Variants in KLF12 observed in about 807,000 individuals in gnomAD.
KLF12 encodes the protein KLF transcription factor 12.
A neutral mutation model predicts 37.8 loss-of-function variants in KLF12; 9 were observed. That is an observed-to-expected ratio of 0.24 (90% CI 0.14 to 0.42). The LOEUF is 0.42. Among genes scored for constraint, KLF12 ranks in the 10% least tolerant of loss-of-function variants. The pLI is 1.00. For synonymous variants in KLF12, 208 were observed against 202.1 expected, an observed-to-expected ratio of 1.03 and a Z score of -0.25; for missense variants, 411 against 516.0, an observed-to-expected ratio of 0.80 and a Z score of 1.97.
intron 2 of KLF12, among the ~76,000 whole-genome samples, chr13:73,974,348 G>C (rs978342113): frequency 6.7e-6 from 1 of 150,014 alleles, no homozygotes; most frequent in Non-Finnish European, 1.5e-5. Context: ...AGGCAGAAAA[G>C]AGCAATTCAC....
chr13:73,942,906 G>T (rs2139362551), intron 3 of KLF12, among the ~76,000 whole-genome samples: 1 of 152,266 alleles, frequency 6.6e-6, no homozygotes, highest in African/African-American at 2.4e-5. Flanking sequence ...CCTGCTATGT[G>T]ATGCTCAGGT....
At chr13:74,224,056 C>CA in the KLF12 span, among the ~76,000 whole-genome samples, 1 of 152,112 alleles carries the variant, frequency 6.6e-6, no homozygotes, top group Non-Finnish European at 1.5e-5. Context: ...CCCTAAAAAA[C>CA]AAAATCTTCC....
At chr13:74,021,024 T>C (rs1892828926) in intron 1 of KLF12, among the ~76,000 whole-genome samples, 1 of 152,170 alleles carries the variant, frequency 6.6e-6, no homozygotes, top group South Asian at 2.1e-4. Context: ...CGTCTGCTAC[T>C]ACACAGCTGT....
At chr13:73,825,238 G>A (rs888877377) in intron 4 of KLF12, among the ~76,000 whole-genome samples, 1 of 152,090 alleles carries the variant, frequency 6.6e-6, no homozygotes, top group African/African-American at 2.4e-5. Context: ...GACTTCCTTG[G>A]GCTTCAGGTA....
intron 3 of KLF12, among the ~76,000 whole-genome samples, chr13:73,896,828 G>C (rs1206948671): frequency 6.6e-6 from 1 of 151,938 alleles, no homozygotes; most frequent in Admixed American, 6.6e-5. Context: ...ATAATACAAT[G>C]GCTTTCTTGG....
chr13:74,167,890 G>A, the KLF12 span, among the ~76,000 whole-genome samples: 3,291 of 152,228 alleles, frequency 0.022, 92 homozygotes, highest in Middle Eastern at 0.054. Context: ...ATTAAAGAAT[G>A]CAAGACACTA....
At chr13:73,771,587 T>C (rs766901098) in intron 5 of KLF12, among the ~76,000 whole-genome samples, 1 of 152,228 alleles carries the variant, frequency 6.6e-6, no homozygotes, top group Non-Finnish European at 1.5e-5. Flanking sequence ...ACCTAAAGCA[T>C]CAGTAATTGA....
In KLF12 at chr13:74,115,405, C is replaced by G. The variant is rs189000040; in HGVS notation, c.-32+18334G>C. Among the ~76,000 whole-genome samples the G allele has an allele frequency of 5.9e-4, 90 of 152,212 alleles. 2 individuals carry two copies. Among genetic ancestry groups the G allele is most frequent in the Middle Eastern group, 6.8e-3 (2 of 294 alleles). ...CAAGGCCATAACTCCTTCAAAGGCT[C>G]TAGAAAAGAATCTTTTCCACCGGGC... is the stretch of plus-strand genomic sequence containing the variant. On this transcript the variant is annotated intron_variant, in intron 1 of 7. Transcript: ENST00000377669.
intron 1 of KLF12, among the ~76,000 whole-genome samples, chr13:74,054,918 A>G (rs1251996211): frequency 6.6e-6 from 1 of 152,246 alleles, no homozygotes; most frequent in Non-Finnish European, 1.5e-5. Context: ...ATAAAAGTTC[A>G]TTGTATTATA....
At chr13:74,068,241 AAAAT>A (rs1874029753) in intron 1 of KLF12, among the ~76,000 whole-genome samples, 1 of 152,262 alleles carries the variant, frequency 6.6e-6, no homozygotes, top group African/African-American at 2.4e-5. Flanking sequence ...ATTTCTACGA[AAAAT>A]AAGTTGTATG....
chr13:74,180,780 TA>T, the KLF12 span, among the ~76,000 whole-genome samples: 94 of 152,286 alleles, frequency 6.2e-4, no homozygotes, highest in African/African-American at 1.7e-3. Context: ...TATAAAAATT[TA>T]AAATGTAAAT....
chr13:73,962,853 A>G (rs1891061379), intron 2 of KLF12, among the ~76,000 whole-genome samples: 2 of 152,242 alleles, frequency 1.3e-5, no homozygotes, highest in South Asian at 4.1e-4. Flanking sequence ...AGTGCCTAAA[A>G]GTAACCACGA....
chr13:73,753,141 G>C (rs1401129165), intron 6 of KLF12, among the ~76,000 whole-genome samples: 2 of 152,216 alleles, frequency 1.3e-5, no homozygotes, highest in South Asian at 2.1e-4. Flanking sequence ...CCTGCTCAAA[G>C]TCATCCGCGG....
intron 1 of KLF12, among the ~76,000 whole-genome samples, chr13:74,014,942 A>G (rs187916866): frequency 1.8e-4 from 27 of 152,310 alleles, no homozygotes; most frequent in Admixed American, 5.9e-4. Flanking sequence ...TCAATAGCAA[A>G]TGGTGAAGTC....
intron 1 of KLF12, among the ~76,000 whole-genome samples, chr13:73,995,575 C>T (rs760549616): frequency 3.3e-5 from 5 of 151,904 alleles, no homozygotes; most frequent in Admixed American, 2.6e-4. Flanking sequence ...CAAATAAATT[C>T]GGTGGTTCCA....
intron 1 of KLF12, among the ~76,000 whole-genome samples, chr13:74,087,102 T>A (rs909998671): frequency 6.6e-6 from 1 of 152,306 alleles, no homozygotes; most frequent in Middle Eastern, 3.4e-3. Context: ...ATTTTGTTTA[T>A]GTGCCCTTGA....
the KLF12 span, among the ~76,000 whole-genome samples, chr13:74,180,427 A>G: frequency 6.6e-6 from 1 of 152,222 alleles, no homozygotes; most frequent in Non-Finnish European, 1.5e-5. Context: ...GAAGTGACCT[A>G]TTTAGCATTT....
At position 74,131,658 on chromosome 13, in the gene KLF12, GTAGA is replaced by G. The variant is rs532795441; in HGVS notation, c.-32+2077_-32+2080del. 5.4e-3 allele frequency among the ~76,000 whole-genome samples: 818 copies of G among 152,264 alleles called. 4 individuals carry two copies. The highest frequency in any genetic ancestry group is 0.014 in the Middle Eastern group (4 of 294). On this transcript the variant is annotated intron_variant, in intron 1 of 7. Transcript: ENST00000377669. ...GTTCAGCTGACTGCATTGCTAAGTA[GTAGA>G]TAAATAACTGAAGGTTTTCAAAAAT... is the stretch of plus-strand genomic sequence containing the variant.
At chr13:74,119,340 A>G (rs1877490181) in intron 1 of KLF12, among the ~76,000 whole-genome samples, 1 of 152,066 alleles carries the variant, frequency 6.6e-6, no homozygotes, top group Admixed American at 6.5e-5. Flanking sequence ...CGCAAAAAAA[A>G]AAAAAGACAA....
Sources: allele counts gnomAD v4.1 joint callset (sites outside exome capture counted in the v4.1 genomes callset), GRCh38; gene constraint gnomAD v4.1.1; transcripts MANE v1.5; gene names NCBI Gene and HGNC (gene_info 2026-07-23, HGNC 2026-07-21).